The following USH2A variants were observed in gnomAD, a reference collection of about 807,000 sequenced individuals.
USH2A encodes the protein Usher syndrome 2A (autosomal recessive, mild).
A neutral mutation model predicts 538.9 loss-of-function variants in USH2A; 443 were observed. The ratio of observed to expected loss-of-function variants is 0.82; its 90% CI spans 0.76 to 0.89. The LOEUF (loss-of-function observed/expected upper bound fraction) is 0.89. Ranked by LOEUF, USH2A falls within the 40% of genes least tolerant of loss-of-function variation. The pLI, the probability that USH2A is intolerant of heterozygous loss-of-function variation, is 0.00. For synonymous variants in USH2A, 2,413 were observed against 2,273.5 expected, an observed-to-expected ratio of 1.06 and a Z score of -1.75; for missense variants, 6,633 against 6,324.8, an observed-to-expected ratio of 1.05 and a Z score of -1.65.
intron 44 of USH2A, among the ~76,000 whole-genome samples, chr1:215,861,964 C>G (rs1172501918): frequency 6.6e-6 from 1 of 151,580 alleles, no homozygotes; most frequent in Non-Finnish European, 1.5e-5. Context: ...CTCAGTCTCC[C>G]GACTAGCTGG....
chr1:215,644,240 G>A lies in USH2A; in HGVS notation c.14791+3282C>T, dbSNP rs552550578. ...ATGGAGAAAGTGAGGACTAAAGGAA[G>A]CATAGCTTGAAGGGGAAAGTTGCAA... On this transcript the variant is annotated intron_variant, in intron 67 of 71. Coordinates refer to ENST00000307340, the MANE Select transcript of USH2A (RefSeq NM_206933.4). Among the ~76,000 whole-genome samples, 5 of 152,338 alleles carry A rather than the reference G, an allele frequency of 3.3e-5. No individual in the cohort carries two copies. The South Asian group carries it at 1.0e-3, about 32-fold the overall frequency.
intron 64 of USH2A, among the ~76,000 whole-genome samples, chr1:215,653,252 C>A (rs1023285355): frequency 2.0e-5 from 3 of 152,128 alleles, no homozygotes; most frequent in Non-Finnish European, 4.4e-5. Flanking sequence ...TTTAAAAACA[C>A]TTGGGCCTCA....
rs55967206 is a variant in USH2A, at chr1:215,779,927, C to T, written c.10855G>A (p.Val3619Ile). 58 of 1,614,064 alleles carry T rather than the reference C, an allele frequency of 3.6e-5. No homozygotes were observed. Among genetic ancestry groups the T allele is most frequent in the Middle Eastern group, 3.3e-4 (2 of 6,062 alleles). Residue 3619 changes from valine (V) to isoleucine (I), a missense_variant, in exon 55 of 72, where the codon GTC (valine) becomes ATC (isoleucine). Transcript: ENST00000307340. ...SWSVPEKSNG[V>I]IKEYQIRQVG... is the part of the protein sequence containing the mutation. ...TGCCTGATCTGGTACTCTTTAATGA[C>T]GCCGTTTGATTTCTCAGGGACACTC...
chr1:215,719,976 G>A (rs765068755), intron 61 of USH2A, among the ~76,000 whole-genome samples: 2 of 152,184 alleles, frequency 1.3e-5, no homozygotes, highest in Non-Finnish European at 2.9e-5. Flanking sequence ...AAAGATGATA[G>A]GGCCATTTAG....
chr1:216,085,054 T>C (rs1000537892), intron 24 of USH2A, 177 bp from the exon 25 acceptor site: 10 of 644,694 alleles, frequency 1.6e-5, no homozygotes, highest in Middle Eastern at 4.3e-4. Flanking sequence ...ATGATAGCAA[T>C]TATAATGTTT....
chr1:216,141,088 T>C lies in USH2A; in HGVS notation c.4627+34164A>G, dbSNP rs141468361. Among the ~76,000 whole-genome samples, 879 of 152,356 alleles carry C rather than the reference T, an allele frequency of 5.8e-3. 6 individuals are homozygous for C. Among genetic ancestry groups the C allele is most frequent in the South Asian group, 0.024 (117 of 4,824 alleles). On this transcript the variant is annotated intron_variant, in intron 21 of 71. Coordinates refer to ENST00000307340, the MANE Select transcript of USH2A (RefSeq NM_206933.4). ...CCATTTACTCAAATTACAGTTTTCA[T>C]TCTCCATCAACCTTCATAATTTGGC...
At chr1:216,289,562 G>T in intron 10 of USH2A, 152 bp from the exon 11 acceptor site, 1 of 1,016,764 alleles carries the variant, frequency 9.8e-7, no homozygotes, top group Non-Finnish European at 1.5e-6. Context: ...CCAATTTAGT[G>T]ATCCAGAGCA....
chr1:216,336,064 T>C (rs957214307), intron 4 of USH2A, among the ~76,000 whole-genome samples: 1 of 151,428 alleles, frequency 6.6e-6, no homozygotes, highest in South Asian at 2.1e-4. Flanking sequence ...AAAAGGATCA[T>C]ACATCATGAG....
chr1:215,775,122 T>C (rs1177850616), intron 55 of USH2A, among the ~76,000 whole-genome samples: 1 of 152,080 alleles, frequency 6.6e-6, no homozygotes, highest in Non-Finnish European at 1.5e-5. Flanking sequence ...ACCATCCTAG[T>C]TTTCTTGCTA....
At position 215,674,974 on chromosome 1, in the gene USH2A, G is replaced by T; in HGVS notation, c.12937C>A (p.Pro4313Thr). The T allele has an allele frequency of 6.2e-7, 1 of 1,614,172 alleles. No individual in the cohort carries two copies. Among genetic ancestry groups the T allele is most frequent in the Non-Finnish European group, 8.5e-7 (1 of 1,180,028 alleles). Residue 4313 changes from proline to threonine, a missense_variant, in exon 63 of 72, where the codon CCT becomes ACT. By Grantham distance (38) the Pro-to-Thr change is conservative. Transcript: ENST00000307340. Reference protein sequence around the residue: ...NEMLYPFSFDPVTFNYTDEEL... With the variant: ...NEMLYPFSFDTVTFNYTDEEL... ...TCATCAGTGTAATTGAAAGTCACAG[G>T]ATCAAAGCTAAAAGGATAGAGCATT...
chr1:215,622,996 C>CTT lies in USH2A; in HGVS notation c.*2783_*2784dup, dbSNP rs1463553798. On this transcript the variant is annotated 3_prime_UTR_variant, in exon 72 of 72. Coordinates refer to ENST00000307340, the MANE Select transcript of USH2A (RefSeq NM_206933.4). ...TCATTTGTGACATAATTAAAAGTTC[C>CTT]TTATTAATGAATTCTTCCACTTGGA... The CTT allele has an allele frequency of 6.6e-6, 1 of 152,026 alleles. No individual in the cohort carries two copies. The highest frequency in any genetic ancestry group is 2.4e-5 in the African/African-American group (1 of 41,410). The allele number at this position is 152,026 out of a possible 1,614,324, so 9.4% of individuals were successfully genotyped here.
Position 215,782,595 on chromosome 1 carries a change from T to G in USH2A, c.10585+143A>C, listed in dbSNP as rs6665799. On this transcript the variant is annotated intron_variant, in intron 53 of 71. Coordinates refer to ENST00000307340, the MANE Select transcript of USH2A (RefSeq NM_206933.4). ...ACACCACAAAGTGAGTGATTAGTTG[T>G]CACATAATTACAGTTCCCTTTATCG... 303,575 of 894,186 alleles carry G rather than the reference T, an allele frequency of 0.34. 52,480 individuals are homozygous for G. The highest frequency in any genetic ancestry group is 0.46 in the African/African-American group (27,249 of 59,844). The allele number at this position is 894,186 out of a possible 1,614,324, so 55.4% of individuals were successfully genotyped here. A position where few individuals can be genotyped will look rare whatever the true frequency, so the allele number is the denominator to read the frequency against.
At chr1:215,677,549 C>T (rs777273833) in intron 62 of USH2A, among the ~76,000 whole-genome samples, 8 of 152,152 alleles carry the variant, frequency 5.3e-5, no homozygotes, top group Non-Finnish European at 8.8e-5. Context: ...CTCTCCTTGT[C>T]GAGATCACAG....
At chr1:216,318,578 C>A (rs2037548720) in intron 9 of USH2A, among the ~76,000 whole-genome samples, 1 of 152,270 alleles carries the variant, frequency 6.6e-6, no homozygotes, top group South Asian at 2.1e-4. Context: ...TTTTTCCCTG[C>A]AGCTGCATTT....
rs145459379 is a variant in USH2A, at chr1:216,198,458, T to C, written c.3938A>G (p.Asn1313Ser). 1.4e-5 allele frequency: 23 copies of C among 1,613,936 alleles called. No homozygotes were observed. Among genetic ancestry groups the C allele is most frequent in the Non-Finnish European group, 1.8e-5 (21 of 1,179,980 alleles). Residue 1313 changes from asparagine to serine, a missense_variant, in exon 18 of 72, where the codon AAT becomes AGT. Physicochemically the swap from Asn to Ser is conservative, Grantham distance 46. Coordinates refer to ENST00000307340, the MANE Select transcript of USH2A (RefSeq NM_206933.4). ...LSPHSFVESA[N>S]ENALKPPQTM... ...TTGAGGAGGTTTTAATGCATTTTCA[T>C]TGGCCGATTCTACAAATGAATGAGG...
At chr1:216,069,955 T>C in intron 30 of USH2A, 146 bp downstream of exon 30, 1 of 935,742 alleles carries the variant, frequency 1.1e-6, no homozygotes, top group South Asian at 1.5e-5. Context: ...AGGCTTCCAC[T>C]ACTTTAGATG....
At chr1:216,357,732 C>T (rs146341611) in intron 4 of USH2A, among the ~76,000 whole-genome samples, 1 of 152,098 alleles carries the variant, frequency 6.6e-6, no homozygotes, top group Non-Finnish European at 1.5e-5. Context: ...TGTTGATAAA[C>T]AAGTTCAGAA....
intron 50 of USH2A, among the ~76,000 whole-genome samples, chr1:215,792,071 A>G (rs905111687): frequency 1.2e-4 from 18 of 152,156 alleles, no homozygotes; most frequent in African/African-American, 3.4e-4. Flanking sequence ...AGCAATCAAA[A>G]TTTGAAAACT....
At chr1:216,214,273 A>G (rs903382110) in intron 15 of USH2A, among the ~76,000 whole-genome samples, 1 of 152,056 alleles carries the variant, frequency 6.6e-6, no homozygotes, top group Non-Finnish European at 1.5e-5. Flanking sequence ...TTCATAGTAG[A>G]CCAATGCTGA....
Sources: allele counts gnomAD v4.1 joint callset (sites outside exome capture counted in the v4.1 genomes callset), GRCh38; gene constraint gnomAD v4.1.1; transcripts MANE v1.5; gene names NCBI Gene and HGNC (gene_info 2026-07-23, HGNC 2026-07-21).